Variants in ZW10 observed in about 807,000 individuals in gnomAD.
The protein encoded by ZW10 is centromere/kinetochore protein zw10 homolog.
A neutral mutation model predicts 87.8 loss-of-function variants in ZW10; 53 were observed. The ratio of observed to expected loss-of-function variants is 0.60; its 90% CI spans 0.48 to 0.76. The LOEUF (loss-of-function observed/expected upper bound fraction) is 0.76. Ranked by LOEUF, ZW10 falls within the 30% of genes least tolerant of loss-of-function variation. The pLI, the probability that ZW10 is intolerant of heterozygous loss-of-function variation, is 0.00. For missense variants in ZW10, 837 were observed against 923.0 expected (o/e 0.91, Z 1.21); for synonymous variants, 312 against 329.2 (o/e 0.95, Z 0.57).
At chr11:113,743,721 A>C in intron 10 of ZW10, 81 bp downstream of exon 10, 1 of 1,117,540 alleles carries the variant, frequency 8.9e-7, no homozygotes, top group South Asian at 1.4e-5. Context: ...AAAGAATTCC[A>C]GCTAATTTTC....
chr11:113,734,547 G>GTAA (rs1306593285), intron 15 of ZW10, among the ~76,000 whole-genome samples: 3 of 152,156 alleles, frequency 2.0e-5, no homozygotes, highest in Non-Finnish European at 2.9e-5. Context: ...GCTCACACCT[G>GTAA]TAATCCCAAC....
intron 8 of ZW10, 39 bp downstream of exon 8, chr11:113,748,218 C>A: frequency 3.9e-6 from 6 of 1,532,958 alleles, no homozygotes; most frequent in Non-Finnish European, 5.3e-6. Context: ...TAAGAAACAA[C>A]AGTGTCTTAA....
intron 1 of ZW10, 58 bp from the exon 2 acceptor site, chr11:113,769,025 A>G: frequency 6.4e-7 from 1 of 1,556,830 alleles, no homozygotes; most frequent in Non-Finnish European, 8.8e-7. Flanking sequence ...GAACTCTAAT[A>G]AGAATATATT....
At position 113,740,337 on chromosome 11, in the gene ZW10, C is replaced by T. The variant is rs146227344; in HGVS notation, c.1584-955G>A. ...GGTGCAGTGGCTCACAACTGTAATACCATCATTTTGAGAGACCAAGGCAGG... is the reference window on the plus strand; with the variant it reads ...GGTGCAGTGGCTCACAACTGTAATATCATCATTTTGAGAGACCAAGGCAGG... On this transcript the variant is annotated intron_variant, in intron 11 of 15. Transcript: ENST00000200135. Among the ~76,000 whole-genome samples, 429 of 152,196 alleles carry T rather than the reference C, an allele frequency of 2.8e-3. 1 individual carries two copies. Among genetic ancestry groups the T allele is most frequent in the African/African-American group, 0.01 (417 of 41,496 alleles).
Position 113,768,886 on chromosome 11 carries a change from C to T in ZW10, c.187G>A (p.Val63Met). 6 of 1,614,188 alleles carry T rather than the reference C, an allele frequency of 3.7e-6. No homozygotes were observed. The highest frequency in any genetic ancestry group is 5.1e-6 in the Non-Finnish European group (6 of 1,180,026). Reference protein sequence around the residue: ...MQSAQGLITQVDKLSEDIDLL... With the variant: ...MQSAQGLITQMDKLSEDIDLL... Reference sequence around the variant, plus strand: ...TCAATGTCTTCAGATAGCTTATCCACCTGGGTAATCAGGCCCTGCGCGCTC... The same window carrying T: ...TCAATGTCTTCAGATAGCTTATCCATCTGGGTAATCAGGCCCTGCGCGCTC... Residue 63 changes from valine (V) to methionine (M), a missense_variant, in exon 2 of 16, where the codon GTG (valine) becomes ATG (methionine). Transcript: ENST00000200135.
Position 113,748,293 on chromosome 11 carries a change from A to T in ZW10, c.1053T>A (p.Ile351=). 1 of 1,613,212 alleles carries T rather than the reference A, an allele frequency of 6.2e-7. No homozygotes were observed. The highest frequency in any genetic ancestry group is 1.3e-5 in the African/African-American group (1 of 75,022). ...CLIKNCLVYS[I]PTNSSKLQQY... Reference sequence around the variant, plus strand: ...GCTGTAATTTGCTGCTATTTGTTGGAATCGAATAAACCAAACAGTTTTTGA... The same window carrying T: ...GCTGTAATTTGCTGCTATTTGTTGGTATCGAATAAACCAAACAGTTTTTGA... Residue 351 remains isoleucine, a synonymous_variant, in exon 8 of 16, where the codon ATT becomes ATA. Coordinates refer to ENST00000200135, the MANE Select transcript of ZW10 (RefSeq NM_004724.4).
chr11:113,743,123 T>C (rs1953640303), intron 10 of ZW10, among the ~76,000 whole-genome samples: 1 of 152,214 alleles, frequency 6.6e-6, no homozygotes. Flanking sequence ...CCATATAAGA[T>C]AATGGAGTAG....
At chr11:113,758,347 C>CA (rs561325713) in intron 6 of ZW10, among the ~76,000 whole-genome samples, 11,698 of 109,096 alleles carry the variant, frequency 0.11, 511 homozygotes, top group Middle Eastern at 0.22. Context: ...ATTCAAAAAC[C>CA]AAAAAAAAAA....
chr11:113,760,177 A>G, intron 5 of ZW10, 32 bp downstream of exon 5: 1 of 1,605,274 alleles, frequency 6.2e-7, no homozygotes, highest in Non-Finnish European at 8.5e-7. Context: ...CAGGCAGATG[A>G]AGCAAAGCAG....
chr11:113,741,389 C>G lies in ZW10; in HGVS notation c.1583+305G>C, dbSNP rs1235065206. ...AACATTTTAATTCAAATAAAGAAAA[C>G]TGAACTAGAGGCTGAAAGTTAAGTA... On this transcript the variant is annotated intron_variant, in intron 11 of 15. Transcript: ENST00000200135. Among the ~76,000 whole-genome samples the G allele has an allele frequency of 6.5e-4, 99 of 152,232 alleles. 1 individual carries two copies. The highest frequency in any genetic ancestry group is 4.4e-5 in the Non-Finnish European group (3 of 68,014).
At chr11:113,766,296 T>C (rs192834689) in intron 2 of ZW10, among the ~76,000 whole-genome samples, 1 of 151,934 alleles carries the variant, frequency 6.6e-6, no homozygotes, top group Admixed American at 6.6e-5. Flanking sequence ...GCTCAGGAGG[T>C]TGAGGCTGCA....
intron 15 of ZW10, among the ~76,000 whole-genome samples, chr11:113,734,295 A>G (rs566783229): frequency 8.5e-5 from 13 of 152,368 alleles, no homozygotes; most frequent in Non-Finnish European, 1.8e-4. Flanking sequence ...TGAATGACCA[A>G]TGAAAAGATG....
intron 10 of ZW10, among the ~76,000 whole-genome samples, 188 bp from the exon 11 acceptor site, chr11:113,741,953 C>T (rs1296589617): frequency 6.6e-6 from 1 of 152,222 alleles, no homozygotes; most frequent in African/African-American, 2.4e-5. Flanking sequence ...TATTTACTAA[C>T]CAGACTACAA....
chr11:113,765,570 A>G lies in ZW10; in HGVS notation c.240+3263T>C, dbSNP rs1953900802. On this transcript the variant is annotated intron_variant, in intron 2 of 15. Coordinates refer to ENST00000200135, the MANE Select transcript of ZW10 (RefSeq NM_004724.4). ...ACATAAATAATGACAAAACCCTAAG[A>G]GCAATACTTCTCAAACTGTAATGCA... Among the ~76,000 whole-genome samples, 2 of 152,200 alleles carry G rather than the reference A, an allele frequency of 1.3e-5. 1 individual carries two copies. Among genetic ancestry groups the G allele is most frequent in the South Asian group, 4.1e-4 (2 of 4,828 alleles).
At chr11:113,747,927 TAGAA>T (rs1352752587) in intron 8 of ZW10, among the ~76,000 whole-genome samples, 11 of 151,984 alleles carry the variant, frequency 7.2e-5, no homozygotes, top group Admixed American at 3.9e-4. Flanking sequence ...TTAGTAAAAA[TAGAA>T]AGATCTTTAA....
At chr11:113,756,252 G>A (rs192762367) in intron 7 of ZW10, among the ~76,000 whole-genome samples, 1 of 152,230 alleles carries the variant, frequency 6.6e-6, no homozygotes, top group African/African-American at 2.4e-5. Flanking sequence ...CAAGATAAGA[G>A]AGGCTTCAGG....
Position 113,773,670 on chromosome 11 carries a change from C to T in ZW10, c.-4G>A. ...CTTCTGTCACGAACGAGGCCATGGC[C>T]AAGACGGGAACCAACGCTGACTGGG... On this transcript the variant is annotated 5_prime_UTR_variant, in exon 1 of 16. Transcript: ENST00000200135. 2.5e-6 allele frequency: 4 copies of T among 1,612,848 alleles called. No homozygotes were observed. The highest frequency in any genetic ancestry group is 3.4e-6 in the Non-Finnish European group (4 of 1,179,374).
intron 10 of ZW10, 71 bp from the exon 11 acceptor site, chr11:113,741,836 A>G: frequency 9.4e-7 from 1 of 1,064,486 alleles, no homozygotes; most frequent in Non-Finnish European, 1.4e-6. Flanking sequence ...ATTTAAACTA[A>G]GTGCATCTTC....
Position 113,761,518 on chromosome 11 carries a change from C to T in ZW10, c.241-600G>A, listed in dbSNP as rs959571184. On this transcript the variant is annotated intron_variant, in intron 2 of 15. Transcript: ENST00000200135. ...CTGGTCTTGAACTCCTGGACTCAAG[C>T]GATCTGCCCACCTTGGCCTCCCAAA... 2.0e-5 allele frequency among the ~76,000 whole-genome samples: 3 copies of T among 152,194 alleles called. No homozygotes were observed. In the East Asian group the frequency reaches 5.8e-4, roughly 29 times the overall value.
Sources: gnomAD v4.1 joint callset for allele counts (sites outside exome capture counted in the v4.1 genomes callset) on GRCh38, gnomAD v4.1.1 for gene constraint, MANE v1.5 for transcripts, NCBI Gene and HGNC (gene_info 2026-07-23, HGNC 2026-07-21) for gene names.